The following WNT4 variants were observed in gnomAD, a reference collection of about 807,000 sequenced individuals.
The protein encoded by WNT4 is Wnt family member 4, also known as protein Wnt-4.
WNT4 carries 16 observed loss-of-function variants against 34.5 expected under a neutral mutation model. The observed-to-expected ratio is 0.46, with a 90% CI of 0.31 to 0.70. The LOEUF is 0.70. WNT4 is among the 30% of genes least tolerant of loss of function. The pLI is 0.04. For missense variants in WNT4, 379 were observed against 495.9 expected, an observed-to-expected ratio of 0.76 and a Z score of 2.24; for synonymous variants, 200 against 211.9, an observed-to-expected ratio of 0.94 and a Z score of 0.49.
intron 1 of WNT4, among the ~76,000 whole-genome samples, chr1:22,130,120 A>G (rs549892702): frequency 1.3e-5 from 2 of 152,294 alleles, no homozygotes; most frequent in Admixed American, 1.3e-4. Context: ...TCGAGCCCCT[A>G]CGGGATCCCT....
At chr1:22,133,613 A>G (rs922755748) in intron 1 of WNT4, among the ~76,000 whole-genome samples, 3 of 152,326 alleles carry the variant, frequency 2.0e-5, no homozygotes, top group Non-Finnish European at 2.9e-5. Flanking sequence ...CATTGCCCCA[A>G]TTTAGGCTCC....
chr1:22,135,070 G>A (rs1646011897), intron 1 of WNT4, among the ~76,000 whole-genome samples: 1 of 152,188 alleles, frequency 6.6e-6, no homozygotes, highest in Non-Finnish European at 1.5e-5. Context: ...AGGCTGGGGA[G>A]TGTGAGAGAT....
chr1:22,134,216 G>A lies in WNT4; in HGVS notation c.78-4365C>T, dbSNP rs1228474377. Among the ~76,000 whole-genome samples, 1 of 152,174 alleles carries A rather than the reference G, an allele frequency of 6.6e-6. No individual in the cohort carries two copies. Among genetic ancestry groups the A allele is most frequent in the Non-Finnish European group, 1.5e-5 (1 of 68,042 alleles). On this transcript the variant is annotated intron_variant, in intron 1 of 4. Transcript: ENST00000290167. The surrounding 1 kb of genome is among the most constrained non-coding windows in gnomAD (Gnocchi z 4.1). Reference sequence around the variant, plus strand: ...CCACATTTAGAGCCTCCTCAGGAGCGGTCGTGCCTGCGATACCAGGGAGGA... The same window carrying A: ...CCACATTTAGAGCCTCCTCAGGAGCAGTCGTGCCTGCGATACCAGGGAGGA...
Position 22,120,622 on chromosome 1 carries a change from C to G in WNT4, c.589-105G>C, listed in dbSNP as rs1645889411. The G allele has an allele frequency of 4.2e-6, 5 of 1,192,384 alleles. No homozygotes were observed. In the East Asian group the frequency reaches 1.3e-4, roughly 31 times the overall value. 73.9% of individuals were successfully genotyped at this position (1,192,384 alleles called of 1,614,324 possible). On this transcript the variant is annotated intron_variant, in intron 4 of 4. Coordinates refer to ENST00000290167, the MANE Select transcript of WNT4 (RefSeq NM_030761.5). Reference sequence around the variant, plus strand: ...AGCATCGGGGTCCCTGGGGCTGACGCTGCAGTCAGATTTGCCGTTGTGCCT... The same window carrying G: ...AGCATCGGGGTCCCTGGGGCTGACGGTGCAGTCAGATTTGCCGTTGTGCCT...
chr1:22,132,858 C>T (rs1254355399), intron 1 of WNT4, among the ~76,000 whole-genome samples: 1 of 152,128 alleles, frequency 6.6e-6, no homozygotes, highest in Non-Finnish European at 1.5e-5. Context: ...CACCCCTGTT[C>T]CCCCAGACCC....
rs1043834354 is a variant in WNT4, at chr1:22,140,958, C to T, written c.77+1888G>A. Reference sequence around the variant, plus strand: ...TCCCCACAGTTTGCATGATCCAAAGCCGAGGCTGCCTTCCTGGCTGGGATT... The same window carrying T: ...TCCCCACAGTTTGCATGATCCAAAGTCGAGGCTGCCTTCCTGGCTGGGATT... On this transcript the variant is annotated intron_variant, in intron 1 of 4. Coordinates refer to ENST00000290167, the MANE Select transcript of WNT4 (RefSeq NM_030761.5). This position sits in a 1 kb window ranked among gnomAD's most constrained non-coding sequence, Gnocchi z 5.9. 2.0e-5 allele frequency among the ~76,000 whole-genome samples: 3 copies of T among 152,248 alleles called. No homozygotes were observed. Among genetic ancestry groups the T allele is most frequent in the African/African-American group, 7.2e-5 (3 of 41,474 alleles).
chr1:22,129,994 T>G, intron 1 of WNT4, 143 bp from the exon 2 acceptor site: 2 of 937,662 alleles, frequency 2.1e-6, no homozygotes, highest in Non-Finnish European at 3.4e-6. Context: ...CTGGATCCAG[T>G]TACAGGCCCT....
chr1:22,119,213 TGTGTGTGTGTGTGTG>T lies in WNT4; in HGVS notation c.*822_*836del, dbSNP rs1557920995. 389 of 136,070 alleles carry T rather than the reference TGTGTGTGTGTGTGTG, an allele frequency of 2.9e-3. 5 individuals are homozygous for T. Among genetic ancestry groups the T allele is most frequent in the African/African-American group, 0.011 (360 of 33,758 alleles). 8.4% of individuals were successfully genotyped at this position (136,070 alleles called of 1,614,324 possible). A position where few individuals can be genotyped will look rare whatever the true frequency, so the allele number is the denominator to read the frequency against. Reference sequence around the variant, plus strand: ...GTGTGTGTGTGTGTGTGTGTGTGTGTGTGTGTGTGTGTGTGTTTCAGTTTCATGGAGGAACAGCGC... The same window carrying T: ...GTGTGTGTGTGTGTGTGTGTGTGTGTTTTCAGTTTCATGGAGGAACAGCGC... On this transcript the variant is annotated 3_prime_UTR_variant, in exon 5 of 5. Transcript: ENST00000290167.
intron 1 of WNT4, among the ~76,000 whole-genome samples, chr1:22,135,899 T>C (rs2124129632): frequency 6.6e-6 from 1 of 152,260 alleles, no homozygotes; most frequent in South Asian, 2.1e-4. Context: ...TTTGGGCCCC[T>C]TTCCCTCTTT....
At chr1:22,131,632 G>C (rs1333691192) in intron 1 of WNT4, among the ~76,000 whole-genome samples, 20 of 152,310 alleles carry the variant, frequency 1.3e-4, no homozygotes, top group Non-Finnish European at 2.5e-4. Context: ...CTCACCCAGA[G>C]GGCTGCCAAG....
chr1:22,122,844 G>T (rs1645912262), intron 2 of WNT4, among the ~76,000 whole-genome samples: 1 of 152,204 alleles, frequency 6.6e-6, no homozygotes, highest in Non-Finnish European at 1.5e-5. Flanking sequence ...GTGGGAGGCA[G>T]CTCAGTCCCC....
chr1:22,142,498 A>G lies in WNT4; in HGVS notation c.77+348T>C, dbSNP rs1646077985. On this transcript the variant is annotated intron_variant, in intron 1 of 4. Transcript: ENST00000290167. The surrounding 1 kb of genome is among the most constrained non-coding windows in gnomAD (Gnocchi z 6.0). ...CAATGGGCTTCCTCAGCGACCTGTC[A>G]GCCCGGCTGGACTGCAACCCGCGTC... is the stretch of plus-strand genomic sequence containing the variant. 3.3e-5 allele frequency among the ~76,000 whole-genome samples: 5 copies of G among 152,180 alleles called. No individual in the cohort carries two copies. Among genetic ancestry groups the G allele is most frequent in the Admixed American group, 3.3e-4 (5 of 15,284 alleles).
chr1:22,141,148 G>C (rs1646062925), intron 1 of WNT4, among the ~76,000 whole-genome samples: 1 of 152,210 alleles, frequency 6.6e-6, no homozygotes, highest in South Asian at 2.1e-4. Context: ...CACTCCCTAG[G>C]CCTCAGTTTC....
At chr1:22,125,337 ATCT>A (rs1184542109) in intron 2 of WNT4, among the ~76,000 whole-genome samples, 1 of 152,082 alleles carries the variant, frequency 6.6e-6, no homozygotes, top group Non-Finnish European at 1.5e-5. Context: ...CCCTCCCCAG[ATCT>A]TCTGTAACTT....
At chr1:22,125,731 C>T (rs1645935424) in intron 2 of WNT4, among the ~76,000 whole-genome samples, 1 of 152,092 alleles carries the variant, frequency 6.6e-6, no homozygotes, top group African/African-American at 2.4e-5. Context: ...AGAGGAGGCC[C>T]GGTGCTGTCT....
chr1:22,121,092 G>T, intron 4 of WNT4, 119 bp downstream of exon 4: 1 of 1,503,980 alleles, frequency 6.6e-7, no homozygotes, highest in South Asian at 1.3e-5. Flanking sequence ...TACAGAAGGT[G>T]CCAGGTGCTG....
chr1:22,136,771 G>A (rs1004681037), intron 1 of WNT4, among the ~76,000 whole-genome samples: 3 of 152,144 alleles, frequency 2.0e-5, no homozygotes, highest in Non-Finnish European at 2.9e-5. Context: ...ATGTTTGCCT[G>A]GGGGCATCCC....
intron 2 of WNT4, among the ~76,000 whole-genome samples, chr1:22,129,174 G>A (rs1389719751): frequency 6.6e-6 from 1 of 152,178 alleles, no homozygotes; most frequent in Non-Finnish European, 1.5e-5. Context: ...CCAGATACTG[G>A]AGGCCAAGTG....
At chr1:22,129,991 C>T in intron 1 of WNT4, 140 bp from the exon 2 acceptor site, 3 of 961,332 alleles carry the variant, frequency 3.1e-6, no homozygotes, top group Non-Finnish European at 4.9e-6. Context: ...TCTCTGGATC[C>T]AGTTACAGGC....
Sources: allele counts gnomAD v4.1 joint callset (sites outside exome capture counted in the v4.1 genomes callset), GRCh38; gene constraint gnomAD v4.1.1; non-coding constraint Gnocchi (gnomAD v3.1); transcripts MANE v1.5; gene names NCBI Gene and HGNC (gene_info 2026-07-23, HGNC 2026-07-21).